The following DLG2 variants were observed in gnomAD, a reference collection of about 807,000 sequenced individuals.
The protein encoded by DLG2 is discs large MAGUK scaffold protein 2.
In DLG2, 45 loss-of-function variants were observed where a neutral mutation model predicts 132.5. The ratio of observed to expected loss-of-function variants is 0.34; its 90% CI spans 0.27 to 0.44. The LOEUF (loss-of-function observed/expected upper bound fraction) is 0.44. Ranked by LOEUF, DLG2 falls within the 20% of genes least tolerant of loss-of-function variation. The pLI, the probability that DLG2 is intolerant of heterozygous loss-of-function variation, is 1.00. For synonymous variants in DLG2, 424 were observed against 419.6 expected, an observed-to-expected ratio of 1.01 and a Z score of -0.13; for missense variants, 1,045 against 1,196.9, an observed-to-expected ratio of 0.87 and a Z score of 1.87.
At chr11:84,898,973 T>C (rs2090547182) in intron 6 of DLG2, among the ~76,000 whole-genome samples, 1 of 152,078 alleles carries the variant, frequency 6.6e-6, no homozygotes, top group Non-Finnish European at 1.5e-5. Context: ...AAGGTGAGAT[T>C]GAATTTTATT....
chr11:83,652,132 T>C (rs896163725), intron 18 of DLG2: 12 of 281,316 alleles, frequency 4.3e-5, no homozygotes, highest in Non-Finnish European at 7.9e-5. Flanking sequence ...TGATGTTATT[T>C]TGTGTTTTTT....
At chr11:85,624,442 A>G (rs1223855660) in intron 2 of DLG2, among the ~76,000 whole-genome samples, 3 of 152,228 alleles carry the variant, frequency 2.0e-5, no homozygotes, top group Non-Finnish European at 4.4e-5. Flanking sequence ...GAGGATAGTT[A>G]TTGTTTAGAA....
At chr11:83,562,936 AGTAATGTTTCT>A (rs1259687688) in intron 19 of DLG2, among the ~76,000 whole-genome samples, 3 of 147,974 alleles carry the variant, frequency 2.0e-5, no homozygotes, top group Non-Finnish European at 4.5e-5. Flanking sequence ...GGGAGTTGGC[AGTAATGTTTCT>A]GTTTTTGTTT....
chr11:83,471,189 T>C (rs1398809046), intron 24 of DLG2, among the ~76,000 whole-genome samples: 2 of 152,106 alleles, frequency 1.3e-5, no homozygotes, highest in African/African-American at 4.8e-5. Context: ...GGAAAGCCTA[T>C]TGGGTTTTGG....
chr11:84,377,005 T>C (rs2098732031), intron 7 of DLG2, among the ~76,000 whole-genome samples: 2 of 151,950 alleles, frequency 1.3e-5, no homozygotes, highest in Admixed American at 1.3e-4. Context: ...AATGGGGAAA[T>C]TTGTAATGTA....
At chr11:84,714,116 G>A (rs1314355834) in intron 6 of DLG2, among the ~76,000 whole-genome samples, 1 of 151,678 alleles carries the variant, frequency 6.6e-6, no homozygotes, top group Non-Finnish European at 1.5e-5. Context: ...ATTTTCTAAA[G>A]TTTGTTTTTT....
intron 4 of DLG2, among the ~76,000 whole-genome samples, chr11:85,256,738 A>G (rs888269230): frequency 6.6e-6 from 1 of 152,146 alleles, no homozygotes; most frequent in African/African-American, 2.4e-5. Context: ...GGGGTCAGGG[A>G]ACTCTCCCAT....
intron 9 of DLG2, among the ~76,000 whole-genome samples, chr11:84,153,537 TA>T (rs932647230): frequency 7.9e-4 from 119 of 151,318 alleles, no homozygotes; most frequent in African/African-American, 2.6e-3. Context: ...TTTTGCTCAT[TA>T]AAAAAAAATA....
At chr11:84,053,833 A>G (rs796535824) in intron 11 of DLG2, among the ~76,000 whole-genome samples, 6 of 152,116 alleles carry the variant, frequency 3.9e-5, no homozygotes, top group African/African-American at 1.4e-4. Flanking sequence ...TGTGCATTTC[A>G]TAGTTACCAT....
intron 3 of DLG2, among the ~76,000 whole-genome samples, chr11:85,325,080 G>T (rs796767182): frequency 2.9e-5 from 4 of 137,188 alleles, no homozygotes; most frequent in African/African-American, 8.5e-5. Context: ...AAGAAACGGC[G>T]CACCACGAGA....
At chr11:84,256,806 G>A (rs2097479865) in intron 7 of DLG2, among the ~76,000 whole-genome samples, 1 of 152,162 alleles carries the variant, frequency 6.6e-6, no homozygotes, top group Non-Finnish European at 1.5e-5. Context: ...AGTCCTGTAT[G>A]TGGGTGTATG....
At chr11:84,562,496 G>A (rs575107656) in intron 6 of DLG2, among the ~76,000 whole-genome samples, 1 of 152,148 alleles carries the variant, frequency 6.6e-6, no homozygotes, top group East Asian at 1.9e-4. Flanking sequence ...GCTTATAATA[G>A]TTAGCTTGAA....
chr11:84,159,829 G>C (rs539595632), intron 9 of DLG2, among the ~76,000 whole-genome samples: 5 of 152,236 alleles, frequency 3.3e-5, no homozygotes, highest in African/African-American at 9.6e-5. Flanking sequence ...GGTAAGATCT[G>C]ACTGATTTTG....
chr11:85,428,005 C>G (rs1385381312), intron 3 of DLG2, among the ~76,000 whole-genome samples: 1 of 152,040 alleles, frequency 6.6e-6, no homozygotes, highest in Non-Finnish European at 1.5e-5. Context: ...GACTTTAAAC[C>G]AACAAAGATC....
chr11:84,635,611 A>G (rs1373913653), intron 6 of DLG2, among the ~76,000 whole-genome samples: 1 of 152,074 alleles, frequency 6.6e-6, no homozygotes, highest in African/African-American at 2.4e-5. Context: ...TATTTTGTTT[A>G]GGACCTTAAC....
chr11:85,621,043 C>T (rs1021984791), intron 2 of DLG2, among the ~76,000 whole-genome samples: 20 of 152,142 alleles, frequency 1.3e-4, no homozygotes, highest in Non-Finnish European at 2.4e-4. Flanking sequence ...GGTGACTTTA[C>T]GTTGAAGCCA....
rs1555174774 is a variant in DLG2 at position 84,703,857 on chromosome 11, G to GATATATATGTGTGTATAT, written c.358-169127_358-169126insATATACACACATATATAT. On this transcript the variant is annotated intron_variant, in intron 6 of 27. Transcript: ENST00000376104. ...AATAATGCTAAAACTATGTAGTGAA[G>GATATATATGTGTGTATAT]ATATATATATATATATATATATATA... Among the ~76,000 whole-genome samples, 111 of 102,692 alleles carry GATATATATGTGTGTATAT rather than the reference G, an allele frequency of 1.1e-3. 1 individual carries two copies. The highest frequency in any genetic ancestry group is 4.0e-3 in the African/African-American group (97 of 24,292). 67.4% of individuals were successfully genotyped at this position (102,692 alleles called of 152,430 possible). A position where few individuals can be genotyped will look rare whatever the true frequency, so the allele number is the denominator to read the frequency against.
At chr11:84,048,263 C>T (rs2096279957) in intron 11 of DLG2, among the ~76,000 whole-genome samples, 1 of 151,514 alleles carries the variant, frequency 6.6e-6, no homozygotes. Context: ...AAATAGTTCA[C>T]CACTTTCTTT....
intron 6 of DLG2, among the ~76,000 whole-genome samples, chr11:84,750,207 G>A (rs1053962526): frequency 6.6e-6 from 1 of 151,910 alleles, no homozygotes; most frequent in Non-Finnish European, 1.5e-5. Flanking sequence ...ACGATATTCA[G>A]GCTTGTTACA....
Sources: allele counts gnomAD v4.1 joint callset (sites outside exome capture counted in the v4.1 genomes callset), GRCh38; gene constraint gnomAD v4.1.1; transcripts MANE v1.5; gene names NCBI Gene and HGNC (gene_info 2026-07-23, HGNC 2026-07-21).